The following FOXP1 variants were observed in gnomAD, a reference collection of about 807,000 sequenced individuals.
The protein encoded by FOXP1 is forkhead box P1, also known as forkhead box protein P1.
FOXP1 carries 15 observed loss-of-function variants against 98.2 expected under a neutral mutation model. That is an observed-to-expected ratio of 0.15 (90% CI 0.10 to 0.24). The LOEUF is 0.24. FOXP1 is among the 10% of genes least tolerant of loss of function. The pLI is 1.00. For synonymous variants in FOXP1, 371 were observed against 314.5 expected (o/e 1.18, Z -1.90); for missense variants, 633 against 848.5 (o/e 0.75, Z 3.15).
intron 7 of FOXP1, among the ~76,000 whole-genome samples, chr3:71,096,508 G>T (rs745535945): frequency 6.6e-6 from 1 of 152,110 alleles, no homozygotes; most frequent in Admixed American, 6.5e-5. Flanking sequence ...ACTTACAAAT[G>T]TAAGTCACTT....
intron 18 of FOXP1, 175 bp downstream of exon 18, chr3:70,972,380 A>AG (rs1412673519): frequency 2.0e-6 from 2 of 982,412 alleles, no homozygotes; most frequent in African/African-American, 1.6e-5. Flanking sequence ...CAAGCAGGGC[A>AG]GGGGGACTGG....
intron 2 of FOXP1, among the ~76,000 whole-genome samples, chr3:71,534,162 G>A (rs567926910): frequency 2.2e-4 from 34 of 152,308 alleles, no homozygotes; most frequent in African/African-American, 7.7e-4. Context: ...TCAGGAGTTC[G>A]AGACCAGCCT....
chr3:71,194,281 A>G (rs2063172406), intron 6 of FOXP1, among the ~76,000 whole-genome samples: 1 of 151,866 alleles, frequency 6.6e-6, no homozygotes, highest in Non-Finnish European at 1.5e-5. Flanking sequence ...AAAAAAAGAA[A>G]GAAAGAAACC....
intron 4 of FOXP1, among the ~76,000 whole-genome samples, chr3:71,354,794 A>G (rs1253522023): frequency 6.6e-6 from 1 of 152,236 alleles, no homozygotes; most frequent in Non-Finnish European, 1.5e-5. Flanking sequence ...AAAGTGCTTT[A>G]TACGTACCAT....
chr3:71,306,908 A>T, intron 4 of FOXP1, among the ~76,000 whole-genome samples: 1 of 152,170 alleles, frequency 6.6e-6, no homozygotes, highest in East Asian at 1.9e-4. Context: ...CCTCAACATA[A>T]TTTGTCCTTA....
intron 3 of FOXP1, among the ~76,000 whole-genome samples, chr3:71,400,121 G>T (rs1042029828): frequency 1.3e-5 from 2 of 152,008 alleles, no homozygotes; most frequent in Non-Finnish European, 2.9e-5. Context: ...TTTCCTGGGA[G>T]GGTTTGGGGC....
chr3:71,194,054 G>T (rs570199677), intron 6 of FOXP1, among the ~76,000 whole-genome samples: 60 of 152,284 alleles, frequency 3.9e-4, no homozygotes, highest in African/African-American at 1.4e-3. Flanking sequence ...GTCAAAGAAA[G>T]AAGCCACGGG....
chr3:71,444,190 T>A (rs1209567167), intron 3 of FOXP1, among the ~76,000 whole-genome samples: 1 of 152,186 alleles, frequency 6.6e-6, no homozygotes, highest in Non-Finnish European at 1.5e-5. Context: ...CCTACTTCCC[T>A]ATTTTCAATG....
rs1462343500 is a variant in FOXP1 at position 70,954,856 on chromosome 3, GTTTC to G, written c.*4387_*4390del. 4.3e-6 allele frequency: 1 copy of G among 232,504 alleles called. No individual in the cohort carries two copies. 14.4% of individuals were successfully genotyped at this position (232,504 alleles called of 1,614,324 possible). ...AATTACAGTTGATGTCAAGGAATGAGTTTCTTTTATGCCTTATCAAAACAAAACA... is the reference window on the plus strand; with the variant it reads ...AATTACAGTTGATGTCAAGGAATGAGTTTTATGCCTTATCAAAACAAAACA... On this transcript the variant is annotated 3_prime_UTR_variant, in exon 21 of 21. Coordinates refer to ENST00000649528, the MANE Select transcript of FOXP1 (RefSeq NM_001349338.3).
chr3:71,341,138 C>T (rs1011410581), intron 4 of FOXP1, among the ~76,000 whole-genome samples: 1 of 152,206 alleles, frequency 6.6e-6, no homozygotes, highest in South Asian at 2.1e-4. Flanking sequence ...ACCAACCAGA[C>T]ATCCATCCAT....
chr3:71,139,639 T>G (rs576533389), intron 6 of FOXP1, among the ~76,000 whole-genome samples: 1 of 152,246 alleles, frequency 6.6e-6, no homozygotes, highest in South Asian at 2.1e-4. Context: ...CCCACTGACT[T>G]CTGTTCCTCG....
chr3:71,373,030 G>A (rs1244789188), intron 3 of FOXP1, among the ~76,000 whole-genome samples: 3 of 152,156 alleles, frequency 2.0e-5, no homozygotes, highest in Non-Finnish European at 2.9e-5. Context: ...GGTGCAAGAA[G>A]AAAAGTAGGT....
At chr3:71,325,009 C>G (rs188648331) in intron 4 of FOXP1, among the ~76,000 whole-genome samples, 1 of 151,866 alleles carries the variant, frequency 6.6e-6, no homozygotes, top group Admixed American at 6.6e-5. Context: ...CTACATCTAT[C>G]GCAATGGCCA....
At chr3:71,023,256 T>A (rs1010613250) in intron 11 of FOXP1, among the ~76,000 whole-genome samples, 2 of 152,200 alleles carry the variant, frequency 1.3e-5, no homozygotes, top group Non-Finnish European at 2.9e-5. Flanking sequence ...AATTATTTGG[T>A]CTCATGTCCA....
At chr3:71,247,153 T>C (rs1166859333) in intron 5 of FOXP1, among the ~76,000 whole-genome samples, 1 of 152,210 alleles carries the variant, frequency 6.6e-6, no homozygotes, top group Non-Finnish European at 1.5e-5. Flanking sequence ...CATTCAAACT[T>C]ATAATTTTAT....
At chr3:71,071,741 T>G (rs1221938971) in intron 7 of FOXP1, among the ~76,000 whole-genome samples, 1 of 152,062 alleles carries the variant, frequency 6.6e-6, no homozygotes, top group Non-Finnish European at 1.5e-5. Flanking sequence ...GCCTGGCTAA[T>G]TTTTGTATTT....
intron 2 of FOXP1, among the ~76,000 whole-genome samples, chr3:71,517,163 A>G (rs1235449458): frequency 6.6e-6 from 1 of 151,616 alleles, no homozygotes; most frequent in African/African-American, 2.4e-5. Flanking sequence ...CTTTTGCTAA[A>G]AATATTAACC....
At chr3:71,056,217 A>C (rs1227642212) in intron 7 of FOXP1, among the ~76,000 whole-genome samples, 1 of 152,328 alleles carries the variant, frequency 6.6e-6, no homozygotes, top group Non-Finnish European at 1.5e-5. Flanking sequence ...GTCTCCTAAA[A>C]TACTTTTTCC....
intron 7 of FOXP1, among the ~76,000 whole-genome samples, chr3:71,054,414 ATGAACT>A (rs1485183054): frequency 6.6e-6 from 1 of 152,246 alleles, no homozygotes; most frequent in Non-Finnish European, 1.5e-5. Context: ...AGCTACAGTG[ATGAACT>A]TGATAGCATT....
Sources: allele counts gnomAD v4.1 joint callset (sites outside exome capture counted in the v4.1 genomes callset), GRCh38; gene constraint gnomAD v4.1.1; transcripts MANE v1.5; gene names NCBI Gene and HGNC (gene_info 2026-07-23, HGNC 2026-07-21).